The following CYBRD1 variants were observed in gnomAD, a reference collection of about 807,000 sequenced individuals.
The protein encoded by CYBRD1 is cytochrome b reductase 1.
Under a neutral mutation model 21.9 loss-of-function variants are expected in CYBRD1, and 14 were observed. That is an observed-to-expected ratio of 0.64 (90% CI 0.42 to 1.00). CYBRD1 has a LOEUF of 1.00. CYBRD1 is among the 50% of genes least tolerant of loss of function. CYBRD1 has a pLI of 0.00. For missense variants in CYBRD1, 328 were observed against 352.5 expected (o/e 0.93, Z 0.56); for synonymous variants, 146 against 136.5 (o/e 1.07, Z -0.48).
chr2:171,553,435 T>C lies in CYBRD1; in HGVS notation c.492T>C (p.Ile164=), dbSNP rs769614064. 3.7e-6 allele frequency: 6 copies of C among 1,613,768 alleles called. No homozygotes were observed. The South Asian group carries it at 6.6e-5, about 18-fold the overall frequency. ...FLMPIHVYSG[I]VIFGTVIATA... is the part of the protein sequence containing the mutation. Reference sequence around the variant, plus strand: ...TGCCCATACATGTTTATTCTGGAATTGTCATCTTTGGAACAGTGATTGCAA... The same window carrying C: ...TGCCCATACATGTTTATTCTGGAATCGTCATCTTTGGAACAGTGATTGCAA... Residue 164 remains isoleucine (I), a synonymous_variant, in exon 3 of 4, where the codon ATT becomes ATC. Transcript: ENST00000321348.
In CYBRD1 at chr2:171,557,124, A is replaced by G. The variant is rs1683503067; in HGVS notation, c.*2297A>G. ...TTATAGGAATTTCTTTTCTATCTTT[A>G]TGAAAACAACGTATATAAAATATAT... On this transcript the variant is annotated 3_prime_UTR_variant, in exon 4 of 4. Transcript: ENST00000321348. The G allele has an allele frequency of 6.6e-6, 1 of 152,612 alleles. No homozygotes were observed. Among genetic ancestry groups the G allele is most frequent in the African/African-American group, 2.4e-5 (1 of 41,458 alleles). 9.5% of individuals were successfully genotyped at this position (152,612 alleles called of 1,614,324 possible).
chr2:171,528,633 C>T (rs1347103831), intron 1 of CYBRD1, among the ~76,000 whole-genome samples: 2 of 152,176 alleles, frequency 1.3e-5, no homozygotes, highest in African/African-American at 4.8e-5. Flanking sequence ...GCTTTAAGTA[C>T]TATCTATACA....
chr2:171,531,877 A>T (rs1171264927), intron 1 of CYBRD1, among the ~76,000 whole-genome samples: 1 of 152,086 alleles, frequency 6.6e-6, no homozygotes. Flanking sequence ...AATTAATTGA[A>T]TTTTTTTCTT....
At chr2:171,553,228 C>T in intron 2 of CYBRD1, 118 bp from the exon 3 acceptor site, 1 of 1,206,426 alleles carries the variant, frequency 8.3e-7, no homozygotes, top group Middle Eastern at 2.5e-4. Flanking sequence ...ACTTCATTTT[C>T]TACCCTTTGG....
At chr2:171,522,243 G>A (rs1394223708), upstream of CYBRD1, 7 of 1,549,848 alleles carry the variant, frequency 4.5e-6, no homozygotes, top group South Asian at 1.2e-5. The surrounding 1 kb of genome is among the most constrained non-coding windows in gnomAD (Gnocchi z 4.3). Context: ...AACTAACTAG[G>A]TCTGTTACTG....
intron 2 of CYBRD1, among the ~76,000 whole-genome samples, chr2:171,552,339 T>C (rs1421595338): frequency 6.6e-6 from 1 of 152,220 alleles, no homozygotes; most frequent in Non-Finnish European, 1.5e-5. Flanking sequence ...ATTGTTTTGT[T>C]ATCAGTTTCC....
At chr2:171,532,909 G>GTA (rs1430636330) in intron 1 of CYBRD1, among the ~76,000 whole-genome samples, 162 of 149,682 alleles carry the variant, frequency 1.1e-3, no homozygotes, top group African/African-American at 3.7e-3. Flanking sequence ...GTGTGTGTGT[G>GTA]TGTATGGAAA....
intron 1 of CYBRD1, among the ~76,000 whole-genome samples, chr2:171,534,299 T>C (rs1455817501): frequency 6.6e-6 from 1 of 152,218 alleles, no homozygotes; most frequent in Non-Finnish European, 1.5e-5. Flanking sequence ...CCATTTCCCC[T>C]TCTTGTGGGC....
At chr2:171,536,795 A>T (rs1559316006) in intron 1 of CYBRD1, among the ~76,000 whole-genome samples, 1 of 152,130 alleles carries the variant, frequency 6.6e-6, no homozygotes, top group African/African-American at 2.4e-5. Context: ...ATATAATATG[A>T]TCCAGATTGG....
At chr2:171,530,662 C>A (rs540797372) in intron 1 of CYBRD1, among the ~76,000 whole-genome samples, 5 of 152,012 alleles carry the variant, frequency 3.3e-5, no homozygotes, top group Non-Finnish European at 7.4e-5. Context: ...CTCATTCTCC[C>A]GAGAGAATCC....
At position 171,522,817 on chromosome 2, in the gene CYBRD1, T is replaced by A; in HGVS notation, c.193+79T>A. 5 of 1,590,442 alleles carry A rather than the reference T, an allele frequency of 3.1e-6. No individual in the cohort carries two copies. The highest frequency in any genetic ancestry group is 4.3e-6 in the Non-Finnish European group (5 of 1,168,286). ...GCAGAGGGTCCTCCGTGAAGCCCCT[T>A]CCAGCTGAGGAAGTGCTGGAGGATC... On this transcript the variant is annotated intron_variant, in intron 1 of 3. Coordinates refer to ENST00000321348, the MANE Select transcript of CYBRD1 (RefSeq NM_024843.4). The surrounding 1 kb of genome is among the most constrained non-coding windows in gnomAD (Gnocchi z 4.3).
intron 2 of CYBRD1, among the ~76,000 whole-genome samples, chr2:171,548,556 A>C: frequency 6.6e-6 from 1 of 151,836 alleles, no homozygotes; most frequent in Middle Eastern, 3.2e-3. Context: ...TGAGTTTATA[A>C]AATAGTACAA....
rs763817133 is a variant in CYBRD1 at position 171,541,631 on chromosome 2, C to T, written c.240C>T (p.Leu80=). The change falls in exon 2 of 4, where the codon CTC becomes CTT. Residue 80 remains leucine (L), a synonymous_variant. Transcript: ENST00000321348. The part of the protein sequence containing the change: ...RLPWTWKCSK[L]LMKSIHAGLN... ...CGTGGACCTGGAAATGCAGCAAGCT[C>T]CTGATGAAATCCATCCATGCAGGGT... is the stretch of plus-strand genomic sequence containing the variant. 1.9e-6 allele frequency: 3 copies of T among 1,613,904 alleles called. No individual in the cohort carries two copies. The highest frequency in any genetic ancestry group is 2.5e-6 in the Non-Finnish European group (3 of 1,179,966).
chr2:171,540,454 A>G (rs1238703864), intron 1 of CYBRD1, among the ~76,000 whole-genome samples: 1 of 152,150 alleles, frequency 6.6e-6, no homozygotes, highest in African/African-American at 2.4e-5. Context: ...ATAATATTCT[A>G]GTATCTTTTG....
At chr2:171,550,239 G>A (rs1327235540) in intron 2 of CYBRD1, among the ~76,000 whole-genome samples, 2 of 152,124 alleles carry the variant, frequency 1.3e-5, no homozygotes, top group African/African-American at 4.8e-5. Flanking sequence ...CAGAGTAGCT[G>A]GGACTACAGG....
intron 1 of CYBRD1, among the ~76,000 whole-genome samples, chr2:171,526,334 C>T (rs1461603858): frequency 6.6e-6 from 1 of 152,070 alleles, no homozygotes; most frequent in East Asian, 1.9e-4. Flanking sequence ...AAATCTCCCT[C>T]TCCTTCTTTA....
chr2:171,553,285 A>T, intron 2 of CYBRD1, 61 bp from the exon 3 acceptor site: 2 of 1,572,316 alleles, frequency 1.3e-6, no homozygotes, highest in Admixed American at 3.4e-5. Context: ...CTTTTTAAAT[A>T]ATTTAAAATT....
intron 1 of CYBRD1, among the ~76,000 whole-genome samples, chr2:171,523,631 C>G (rs938649560): frequency 8.5e-5 from 13 of 152,136 alleles, no homozygotes; most frequent in African/African-American, 2.2e-4. Flanking sequence ...GTGTTTGGCC[C>G]GCGGCGAGCC....
At chr2:171,546,374 C>A (rs1304676679) in intron 2 of CYBRD1, among the ~76,000 whole-genome samples, 2 of 152,204 alleles carry the variant, frequency 1.3e-5, no homozygotes, top group African/African-American at 4.8e-5. Context: ...ACTGGTATAA[C>A]ACAAACTAGC....
Sources: allele counts gnomAD v4.1 joint callset (sites outside exome capture counted in the v4.1 genomes callset), GRCh38; gene constraint gnomAD v4.1.1; non-coding constraint Gnocchi (gnomAD v3.1); transcripts MANE v1.5; gene names NCBI Gene and HGNC (gene_info 2026-07-23, HGNC 2026-07-21).